Variants in NAT10 observed in about 807,000 individuals in gnomAD.
The protein encoded by NAT10 is RNA cytidine acetyltransferase.
In NAT10, 109 loss-of-function variants were observed where a neutral mutation model predicts 132.2. That is an observed-to-expected ratio of 0.82 (90% CI 0.71 to 0.97). The LOEUF (loss-of-function observed/expected upper bound fraction) is 0.97. Among genes scored for constraint, NAT10 ranks in the 50% least tolerant of loss-of-function variants. NAT10 has a pLI of 0.00. For missense variants in NAT10, 1,184 were observed against 1,263.4 expected, an observed-to-expected ratio of 0.94 and a Z score of 0.95; for synonymous variants, 479 against 478.0, an observed-to-expected ratio of 1.00 and a Z score of -0.03.
chr11:34,136,306 TC>T (rs927324064), intron 19 of NAT10, among the ~76,000 whole-genome samples: 1 of 152,082 alleles, frequency 6.6e-6, no homozygotes, highest in African/African-American at 2.4e-5. Flanking sequence ...GGTCTCAAAC[TC>T]CTGACCTCAG....
chr11:34,141,956 T>C (rs1298429687), intron 26 of NAT10, 139 bp downstream of exon 26: 16 of 729,978 alleles, frequency 2.2e-5, no homozygotes, highest in South Asian at 1.9e-4. Context: ...GTAGGTTTAA[T>C]TGGACAAACG....
At chr11:34,110,531 T>C (rs1380056907) in intron 3 of NAT10, among the ~76,000 whole-genome samples, 5 of 150,940 alleles carry the variant, frequency 3.3e-5, no homozygotes, top group Non-Finnish European at 7.4e-5. Flanking sequence ...TTACATACTG[T>C]GACTTACGTT....
chr11:34,137,237 A>C (rs1852233810), intron 21 of NAT10, among the ~76,000 whole-genome samples: 1 of 152,212 alleles, frequency 6.6e-6, no homozygotes, highest in African/African-American at 2.4e-5. Flanking sequence ...TACACGGTGC[A>C]TGCGTTGAGC....
In NAT10 at chr11:34,122,473, G is replaced by C; in HGVS notation, c.795G>C (p.Leu265Phe). ...CKTLDQAKAVLKFIEGISEKT... is the reference protein window; with the variant it reads ...CKTLDQAKAVFKFIEGISEKT... The stretch of plus-strand genomic sequence containing the variant: ...TGTTTCCACAGGCCAAAGCTGTCTT[G>C]AAATTTATCGAGGGCATCTCTGAAA... Residue 265 changes from leucine (L) to phenylalanine (F), a missense_variant, in exon 9 of 29, where the codon TTG becomes TTC. Leu to Phe is a conservative substitution (Grantham distance 22, BLOSUM62 0). Coordinates refer to ENST00000257829, the MANE Select transcript of NAT10 (RefSeq NM_024662.3). 1 of 1,614,200 alleles carries C rather than the reference G, an allele frequency of 6.2e-7. No individual in the cohort carries two copies. Among genetic ancestry groups the C allele is most frequent in the Non-Finnish European group, 8.5e-7 (1 of 1,180,034 alleles).
rs1294434836 is a variant in NAT10 at position 34,112,284 on chromosome 11, TG to T, written c.372+63del. 35 of 1,592,550 alleles carry T rather than the reference TG, an allele frequency of 2.2e-5. No individual in the cohort carries two copies. In the African/African-American group the frequency reaches 3.4e-4, roughly 15 times the overall value. ...AGTCTTGAGGGTTGCTTGGGCTGCC[TG>T]GCTTTCCACTGGGAACAGATGTACA... On this transcript the variant is annotated intron_variant, in intron 4 of 28. Transcript: ENST00000257829.
Position 34,118,140 on chromosome 11 carries a change from G to T in NAT10, c.558-40G>T, listed in dbSNP as rs776786755. On this transcript the variant is annotated intron_variant, in intron 6 of 28. Transcript: ENST00000257829. ...GTTATACTCTGTATAGACATTGCAT[G>T]CCCTCCCCAACACTTCATTGCAGCG... The T allele has an allele frequency of 2.7e-6, 4 of 1,481,740 alleles. No individual in the cohort carries two copies. The East Asian group carries it at 9.0e-5, about 34-fold the overall frequency. 91.8% of individuals were successfully genotyped at this position (1,481,740 alleles called of 1,614,324 possible). A position where few individuals can be genotyped will look rare whatever the true frequency, so the allele number is the denominator to read the frequency against.
In NAT10 at chr11:34,131,445, G is replaced by C; in HGVS notation, c.1434G>C (p.Glu478Asp). 1 of 1,614,182 alleles carries C rather than the reference G, an allele frequency of 6.2e-7. No homozygotes were observed. Among genetic ancestry groups the C allele is most frequent in the Non-Finnish European group, 8.5e-7 (1 of 1,180,038 alleles). ...SIRYAPGDAVEKWLNDLLCLD... is the reference protein window; with the variant it reads ...SIRYAPGDAVDKWLNDLLCLD... ...GATACGCCCCTGGGGATGCAGTGGA[G>C]AAGTGGCTGAATGACTTGCTGTGCC... Residue 478 changes from glutamate to aspartate, a missense_variant, in exon 14 of 29, where the codon GAG (glutamate) becomes GAC (aspartate). Transcript: ENST00000257829.
intron 2 of NAT10, 78 bp from the exon 3 acceptor site, chr11:34,108,664 C>T (rs529586103): frequency 6.5e-5 from 87 of 1,331,950 alleles, no homozygotes; most frequent in Non-Finnish European, 5.6e-5. Context: ...TTTCCACATC[C>T]GTCAAATGAG....
In NAT10 at chr11:34,134,502, T is replaced by A; in HGVS notation, c.1837-10T>A. The A allele has an allele frequency of 6.2e-7, 1 of 1,614,134 alleles. No individual in the cohort carries two copies. The highest frequency in any genetic ancestry group is 8.5e-7 in the Non-Finnish European group (1 of 1,179,994). On this transcript the variant is annotated splice_polypyrimidine_tract_variant and intron_variant, in intron 17 of 28. Coordinates refer to ENST00000257829, the MANE Select transcript of NAT10 (RefSeq NM_024662.3). ...TGTTGCTAAGTTACTGGTTTGTGTC[T>A]CCCACACAGTTCCAAGATCCAGACT...
intron 15 of NAT10, 117 bp downstream of exon 15, chr11:34,132,338 A>T (rs1186710803): frequency 1.2e-6 from 1 of 830,244 alleles, no homozygotes; most frequent in Non-Finnish European, 2.1e-6. Context: ...TTCCATTGGG[A>T]CATTGATGAG....
rs1282198780 is a variant in NAT10, at chr11:34,118,203, G to T, written c.581G>T (p.Cys194Phe). ...AGGTTTATTCTGTCTCTGGCCTCTTGTAAGAAGTGTCTCGTCATTGATGAC... is the reference window on the plus strand; with the variant it reads ...AGGTTTATTCTGTCTCTGGCCTCTTTTAAGAAGTGTCTCGTCATTGATGAC... ...NERFILSLAS[C>F]KKCLVIDDQL... The change falls in exon 7 of 29, where the codon TGT becomes TTT. Residue 194 changes from cysteine to phenylalanine, a missense_variant. By Grantham distance (205) the Cys-to-Phe change is radical. Transcript: ENST00000257829. The T allele has an allele frequency of 1.2e-6, 2 of 1,614,034 alleles. No individual in the cohort carries two copies. Among genetic ancestry groups the T allele is most frequent in the African/African-American group, 2.7e-5 (2 of 74,924 alleles).
At chr11:34,137,705 A>G (rs1852242914) in intron 21 of NAT10, among the ~76,000 whole-genome samples, 1 of 152,230 alleles carries the variant, frequency 6.6e-6, no homozygotes, top group African/African-American at 2.4e-5. Flanking sequence ...TCTGGAGCCA[A>G]TGAAAGGATG....
chr11:34,132,295 G>A (rs1332992947), intron 15 of NAT10, 74 bp downstream of exon 15: 6 of 1,234,792 alleles, frequency 4.9e-6, no homozygotes, highest in Non-Finnish European at 7.2e-6. Context: ...TACTTGATTT[G>A]CATATTTTAT....
chr11:34,144,019 G>A (rs1054504115), intron 28 of NAT10, among the ~76,000 whole-genome samples: 5 of 152,202 alleles, frequency 3.3e-5, no homozygotes, highest in African/African-American at 9.7e-5. Context: ...TAACTGTTAC[G>A]TTGTCCTTCC....
chr11:34,141,993 G>A, intron 26 of NAT10, 176 bp downstream of exon 26: 1 of 637,644 alleles, frequency 1.6e-6, no homozygotes, highest in Non-Finnish European at 2.8e-6. Context: ...AGCACACACA[G>A]GCCTAGAGTT....
rs760723280 is a variant in NAT10 at position 34,115,818 on chromosome 11, G to A, written c.496-5G>A. The A allele has an allele frequency of 1.2e-6, 2 of 1,613,720 alleles. No individual in the cohort carries two copies. Among genetic ancestry groups the A allele is most frequent in the African/African-American group, 2.7e-5 (2 of 74,914 alleles). ...TTGTTAATGGATGTTGTCTTTCTTT[G>A]TTAGGATGTGCATTCCAGGTACAGA... is the stretch of plus-strand genomic sequence containing the variant. On this transcript the variant is annotated splice_polypyrimidine_tract_variant and splice_region_variant and intron_variant, in intron 5 of 28. Coordinates refer to ENST00000257829, the MANE Select transcript of NAT10 (RefSeq NM_024662.3).
At chr11:34,142,569 T>C (rs766069635) in intron 27 of NAT10, among the ~76,000 whole-genome samples, 3 of 152,184 alleles carry the variant, frequency 2.0e-5, no homozygotes, top group Non-Finnish European at 4.4e-5. Flanking sequence ...ACTTACACAT[T>C]GCACTCTCTG....
chr11:34,123,908 G>T, intron 10 of NAT10, 53 bp downstream of exon 10: 1 of 1,407,426 alleles, frequency 7.1e-7, no homozygotes, highest in Non-Finnish European at 1.0e-6. Context: ...GGTGGCTCAC[G>T]CCTGTAATCC....
At chr11:34,144,333 A>G (rs1351390775) in intron 28 of NAT10, among the ~76,000 whole-genome samples, 1 of 152,228 alleles carries the variant, frequency 6.6e-6, no homozygotes, top group Non-Finnish European at 1.5e-5. Context: ...TCATTTGTTC[A>G]CAGTAATAAC....
Sources: allele counts gnomAD v4.1 joint callset (sites outside exome capture counted in the v4.1 genomes callset), GRCh38; gene constraint gnomAD v4.1.1; transcripts MANE v1.5; gene names NCBI Gene and HGNC (gene_info 2026-07-23, HGNC 2026-07-21).